The following SAMSN1 variants were observed in gnomAD, a reference collection of about 807,000 sequenced individuals.
SAMSN1 encodes the protein SAM domain-containing protein SAMSN-1.
Under a neutral mutation model 42.0 loss-of-function variants are expected in SAMSN1, and 31 were observed. That is an observed-to-expected ratio of 0.74 (90% confidence interval 0.55 to 1.00). The LOEUF is 1.00. Among genes scored for constraint, SAMSN1 ranks in the 50% least tolerant of loss-of-function variants. The pLI, the probability that SAMSN1 is intolerant of heterozygous loss-of-function variation, is 0.00. For missense variants in SAMSN1, 464 were observed against 439.4 expected, an observed-to-expected ratio of 1.06 and a Z score of -0.50; for synonymous variants, 178 against 151.9, an observed-to-expected ratio of 1.17 and a Z score of -1.26.
chr21:14,657,734 G>A (rs1204054981), intron 1 of SAMSN1, among the ~76,000 whole-genome samples: 1 of 151,796 alleles, frequency 6.6e-6, no homozygotes, highest in Admixed American at 6.6e-5. Flanking sequence ...GCAAAGTTGA[G>A]AGCTGGCAGT....
chr21:14,643,449 T>C (rs1042244484), intron 1 of SAMSN1, among the ~76,000 whole-genome samples: 3 of 152,154 alleles, frequency 2.0e-5, no homozygotes, highest in Non-Finnish European at 4.4e-5. Flanking sequence ...CTCAAAAAAC[T>C]AAATAAATGC....
chr21:14,547,144 A>C (rs1980436382), upstream of SAMSN1, among the ~76,000 whole-genome samples: 1 of 152,250 alleles, frequency 6.6e-6, no homozygotes, highest in Non-Finnish European at 1.5e-5. Context: ...TATAAATGGG[A>C]ACATGACTAA....
intron 2 of SAMSN1, among the ~76,000 whole-genome samples, chr21:14,624,517 C>T (rs1193414344): frequency 2.6e-5 from 4 of 151,984 alleles, no homozygotes; most frequent in Non-Finnish European, 5.9e-5. Context: ...AAATAAACTA[C>T]AAAATCTAGA....
At chr21:14,504,603 T>C (rs1784286983) in intron 5 of SAMSN1, among the ~76,000 whole-genome samples, 1 of 152,194 alleles carries the variant, frequency 6.6e-6, no homozygotes, top group Admixed American at 6.5e-5. Flanking sequence ...AGTCTGGGAT[T>C]ATATTAAATG....
At chr21:14,577,281 T>TATATAG (rs1568816254) in intron 2 of SAMSN1, among the ~76,000 whole-genome samples, 2 of 54,848 alleles carry the variant, frequency 3.6e-5, no homozygotes, top group Non-Finnish European at 6.7e-5. Flanking sequence ...TATATATATA[T>TATATAG]ATATTTTTTT....
chr21:14,626,407 T>C (rs1983172309), intron 2 of SAMSN1, among the ~76,000 whole-genome samples: 1 of 152,150 alleles, frequency 6.6e-6, no homozygotes, highest in Non-Finnish European at 1.5e-5. Context: ...ATCCAGAATC[T>C]ACAAAGAACT....
chr21:14,506,673 A>AT lies in SAMSN1; in HGVS notation c.561+3636_561+3637insA, dbSNP rs142926423. ...ATCCCACAAGATAGAGAAAGAAGGA[A>AT]CCCTCCCTACATCATTCTATGAAGC... On this transcript the variant is annotated intron_variant, in intron 5 of 7. Coordinates refer to ENST00000400566, the MANE Select transcript of SAMSN1 (RefSeq NM_022136.5). Among the ~76,000 whole-genome samples the AT allele has an allele frequency of 3.6e-3, 551 of 152,262 alleles. 6 individuals carry two copies. Among genetic ancestry groups the AT allele is most frequent in the African/African-American group, 0.013 (520 of 41,552 alleles).
intron 7 of SAMSN1, among the ~76,000 whole-genome samples, chr21:14,589,171 A>G (rs1452669412): frequency 6.6e-6 from 1 of 152,114 alleles, no homozygotes; most frequent in East Asian, 1.9e-4. Flanking sequence ...TGAATTATTG[A>G]ACTGGATTAG....
At chr21:14,540,256 C>G (rs937971370) in intron 1 of SAMSN1, among the ~76,000 whole-genome samples, 1 of 152,066 alleles carries the variant, frequency 6.6e-6, no homozygotes, top group Admixed American at 6.5e-5. Context: ...TCTAAAACAC[C>G]AAAAGCAATG....
At chr21:14,517,821 GA>G (rs11349091) in intron 2 of SAMSN1, among the ~76,000 whole-genome samples, 20,453 of 151,788 alleles carry the variant, frequency 0.13, 1,482 homozygotes, top group East Asian at 0.25. Context: ...TATATTATGT[GA>G]TATATATTAC....
At chr21:14,621,879 C>A (rs377490979) in intron 2 of SAMSN1, among the ~76,000 whole-genome samples, 23 of 152,214 alleles carry the variant, frequency 1.5e-4, no homozygotes, top group Non-Finnish European at 2.6e-4. Context: ...CACCCCAGTA[C>A]GGGCAGACTG....
chr21:14,603,414 G>C (rs1198411179), intron 5 of SAMSN1, among the ~76,000 whole-genome samples: 1 of 152,182 alleles, frequency 6.6e-6, no homozygotes, highest in African/African-American at 2.4e-5. Flanking sequence ...ATACTATGGA[G>C]AGAGACCACT....
At chr21:14,605,526 T>C (rs745681579) in intron 5 of SAMSN1, among the ~76,000 whole-genome samples, 1 of 152,232 alleles carries the variant, frequency 6.6e-6, no homozygotes, top group African/African-American at 2.4e-5. Flanking sequence ...AATATATTTG[T>C]GAATTTATAC....
At chr21:14,554,289 TTATTTA>T (rs1397662646) in intron 2 of SAMSN1, among the ~76,000 whole-genome samples, 3 of 152,114 alleles carry the variant, frequency 2.0e-5, no homozygotes, top group Non-Finnish European at 2.9e-5. Flanking sequence ...CCTTGACAAG[TTATTTA>T]GCCTTTCCAT....
rs1252253758 is a variant in SAMSN1, at chr21:14,610,171, A to T, written c.236-603T>A. Among the ~76,000 whole-genome samples the T allele has an allele frequency of 2.0e-5, 3 of 152,206 alleles. No homozygotes were observed. The East Asian group carries it at 5.8e-4, about 29-fold the overall frequency. On this transcript the variant is annotated intron_variant, in intron 4 of 15. Transcript: ENST00000647101. ...ATGGAGCCATATTTCTCTTATTACCAAAAATGGATAAGAGAAATATCGCTG... is the reference window on the plus strand; with the variant it reads ...ATGGAGCCATATTTCTCTTATTACCTAAAATGGATAAGAGAAATATCGCTG...
intron 2 of SAMSN1, among the ~76,000 whole-genome samples, chr21:14,638,752 G>T (rs900597402): frequency 6.6e-6 from 1 of 152,068 alleles, no homozygotes; most frequent in South Asian, 2.1e-4. Flanking sequence ...AAATTTATAC[G>T]GAACATTATT....
At chr21:14,511,469 C>CA (rs1321881146) in intron 4 of SAMSN1, among the ~76,000 whole-genome samples, 1 of 152,000 alleles carries the variant, frequency 6.6e-6, no homozygotes, top group African/African-American at 2.4e-5. Flanking sequence ...TTCATACATG[C>CA]AAAAAACATC....
chr21:14,584,430 A>G (rs1981856124), upstream of SAMSN1, among the ~76,000 whole-genome samples: 1 of 152,218 alleles, frequency 6.6e-6, no homozygotes, highest in Non-Finnish European at 1.5e-5. Flanking sequence ...TATAATTAAC[A>G]TTGCATTAAT....
chr21:14,549,404 C>G (rs773207755), upstream of SAMSN1, among the ~76,000 whole-genome samples: 1 of 152,104 alleles, frequency 6.6e-6, no homozygotes, highest in Admixed American at 6.6e-5. Flanking sequence ...AAAATCAAAT[C>G]TTTTAGAATG....
Sources: gnomAD v4.1 joint callset for allele counts (sites outside exome capture counted in the v4.1 genomes callset) on GRCh38, gnomAD v4.1.1 for gene constraint, MANE v1.5 for transcripts, NCBI Gene and HGNC (gene_info 2026-07-23, HGNC 2026-07-21) for gene names.